Variants in FLI1 observed in about 807,000 individuals in gnomAD.
The protein encoded by FLI1 is Fli-1 proto-oncogene, ETS transcription factor.
Under a neutral mutation model 53.1 loss-of-function variants are expected in FLI1, and 13 were observed. The observed-to-expected ratio is 0.24, with a 90% CI of 0.16 to 0.39. FLI1 has a LOEUF of 0.39. FLI1 is among the 10% of genes least tolerant of loss of function. The probability of loss-of-function intolerance (pLI) is 1.00; values close to 1 mark genes in which losing one functional copy is unlikely to be tolerated. For missense variants in FLI1, 424 were observed against 600.5 expected, an observed-to-expected ratio of 0.71 and a Z score of 3.07; for synonymous variants, 244 against 236.7, an observed-to-expected ratio of 1.03 and a Z score of -0.28.
At chr11:128,730,189 T>C (rs754931300) in intron 1 of FLI1, among the ~76,000 whole-genome samples, 6 of 152,238 alleles carry the variant, frequency 3.9e-5, no homozygotes, top group African/African-American at 1.2e-4. Flanking sequence ...GTGCATTTGT[T>C]AAGTGTGTAC....
chr11:128,734,177 G>C (rs569822314), intron 1 of FLI1, among the ~76,000 whole-genome samples: 8 of 152,346 alleles, frequency 5.3e-5, no homozygotes, highest in South Asian at 2.1e-4. Flanking sequence ...AACAGGGGAA[G>C]CTATAGAAAG....
chr11:128,707,113 G>A (rs956742787), intron 1 of FLI1, among the ~76,000 whole-genome samples: 1 of 152,200 alleles, frequency 6.6e-6, no homozygotes, highest in Non-Finnish European at 1.5e-5. Flanking sequence ...CGATAGCAAA[G>A]GCAAGGGGTT....
chr11:128,801,453 A>G (rs1161196613), intron 5 of FLI1, among the ~76,000 whole-genome samples: 5 of 152,236 alleles, frequency 3.3e-5, no homozygotes, highest in Admixed American at 2.0e-4. Context: ...TTCAACAATG[A>G]CATTGTTAAA....
chr11:128,781,831 T>C, intron 4 of FLI1, 127 bp from the exon 5 acceptor site: 3 of 754,898 alleles, frequency 4.0e-6, no homozygotes, highest in Non-Finnish European at 4.8e-6. Context: ...CCTTTCTTCC[T>C]AGGAGTCCTC....
intron 1 of FLI1, among the ~76,000 whole-genome samples, chr11:128,688,080 A>T (rs1018451162): frequency 6.6e-6 from 1 of 152,140 alleles, no homozygotes; most frequent in Non-Finnish European, 1.5e-5. Context: ...CGGCAAGAGG[A>T]GCTCTCACTT....
At chr11:128,716,261 C>CA (rs1939008232) in intron 1 of FLI1, among the ~76,000 whole-genome samples, 1 of 152,106 alleles carries the variant, frequency 6.6e-6, no homozygotes, top group African/African-American at 2.4e-5. Flanking sequence ...CCCTCCAAGC[C>CA]AAAATGTCAG....
At chr11:128,723,737 A>G (rs907532486) in intron 1 of FLI1, among the ~76,000 whole-genome samples, 5 of 152,192 alleles carry the variant, frequency 3.3e-5, no homozygotes, top group African/African-American at 1.2e-4. Flanking sequence ...TGCATAAGAC[A>G]TGGTCCCTGT....
intron 1 of FLI1, among the ~76,000 whole-genome samples, chr11:128,700,381 C>G (rs1938273661): frequency 6.6e-6 from 1 of 152,214 alleles, no homozygotes; most frequent in South Asian, 2.1e-4. Context: ...TTACTACACA[C>G]ACTGGCCACA....
intron 1 of FLI1, among the ~76,000 whole-genome samples, chr11:128,714,680 G>A (rs1938928519): frequency 6.7e-6 from 1 of 149,224 alleles, no homozygotes; most frequent in Admixed American, 6.7e-5. Flanking sequence ...TTACTGATGA[G>A]CCCAGCACTG....
At chr11:128,686,531 C>T (rs1364033621), upstream of FLI1, 1 of 454,856 alleles carries the variant, frequency 2.2e-6, no homozygotes, top group Non-Finnish European at 4.4e-6. Flanking sequence ...CTTCCCAAAC[C>T]CCTACAGTCT....
intron 1 of FLI1, among the ~76,000 whole-genome samples, chr11:128,714,497 C>G (rs1339899491): frequency 6.6e-6 from 1 of 152,214 alleles, no homozygotes; most frequent in South Asian, 2.1e-4. Flanking sequence ...TGAGGAAACC[C>G]TCTGGTCTAA....
chr11:128,754,309 G>A (rs57271638), intron 1 of FLI1, among the ~76,000 whole-genome samples: 2,012 of 150,670 alleles, frequency 0.013, 43 homozygotes, highest in African/African-American at 0.046. Context: ...GTATTCTCAC[G>A]AGCTGTTAAC....
At chr11:128,737,238 T>C (rs1278387119) in intron 1 of FLI1, among the ~76,000 whole-genome samples, 1 of 152,188 alleles carries the variant, frequency 6.6e-6, no homozygotes, top group Non-Finnish European at 1.5e-5. Context: ...CTCCCTCATC[T>C]GTAAAATGGG....
chr11:128,810,911 G>A lies in FLI1; in HGVS notation c.1282G>A (p.Gly428Arg). 6.2e-7 allele frequency: 1 copy of A among 1,613,974 alleles called. No homozygotes were observed. The highest frequency in any genetic ancestry group is 8.5e-7 in the Non-Finnish European group (1 of 1,179,882). The change falls in exon 9 of 9, where the codon GGG (glycine) becomes AGG (arginine). Residue 428 changes from glycine to arginine, a missense_variant. This residue lies in a region of FLI1 where 87 missense variants were observed against 100.0 expected (regional missense o/e 0.87). Coordinates refer to ENST00000527786, the MANE Select transcript of FLI1 (RefSeq NM_002017.5). This position sits in a 1 kb window ranked among gnomAD's most constrained non-coding sequence, Gnocchi z 6.6. Reference protein sequence around the residue: ...AASQYWTSPTGGIYPNPNVPR... With the variant: ...AASQYWTSPTRGIYPNPNVPR... ...ATCACAATACTGGACCTCCCCCACG[G>A]GGGGAATCTACCCCAACCCCAACGT...
chr11:128,796,847 C>T lies in FLI1; in HGVS notation c.656-8519C>T, dbSNP rs369678974. On this transcript the variant is annotated intron_variant, in intron 5 of 8. Transcript: ENST00000527786. ...AAAATCAGCCAGGCATGGTGGCAGGCGCCTATAATACCAGCTACTCAGGAG... is the reference window on the plus strand; with the variant it reads ...AAAATCAGCCAGGCATGGTGGCAGGTGCCTATAATACCAGCTACTCAGGAG... Among the ~76,000 whole-genome samples, 120 of 152,292 alleles carry T rather than the reference C, an allele frequency of 7.9e-4. 1 individual carries two copies. The South Asian group carries it at 0.023, about 29-fold the overall frequency.
intron 5 of FLI1, among the ~76,000 whole-genome samples, chr11:128,793,051 G>C (rs945817672): frequency 6.6e-6 from 1 of 152,030 alleles, no homozygotes. Context: ...CCGGGAGATC[G>C]AGGCTGCCAT....
intron 3 of FLI1, 36 bp downstream of exon 3, chr11:128,768,308 C>T (rs762653739): frequency 4.6e-6 from 7 of 1,530,826 alleles, no homozygotes; most frequent in South Asian, 1.1e-5. Flanking sequence ...GCGCCATTCA[C>T]TTCCCCACTC....
chr11:128,716,288 C>T (rs1441766182), intron 1 of FLI1, among the ~76,000 whole-genome samples: 1 of 152,104 alleles, frequency 6.6e-6, no homozygotes, highest in Admixed American at 6.5e-5. Flanking sequence ...GCCTGGTTTC[C>T]CTTTATGGAG....
chr11:128,749,142 A>C (rs1456429651), intron 1 of FLI1, among the ~76,000 whole-genome samples: 1 of 152,166 alleles, frequency 6.6e-6, no homozygotes, highest in Non-Finnish European at 1.5e-5. Context: ...CCACCTGGAC[A>C]GTCATGGTGC....
Sources: gnomAD v4.1 joint callset for allele counts (sites outside exome capture counted in the v4.1 genomes callset) on GRCh38, gnomAD v4.1.1 for gene constraint, gnomAD v4.1.1 regional missense constraint, Gnocchi (gnomAD v3.1) non-coding constraint, MANE v1.5 for transcripts, NCBI Gene and HGNC (gene_info 2026-07-23, HGNC 2026-07-21) for gene names.